ARHGEF1: variants seen among roughly 807,000 people sequenced by gnomAD.
ARHGEF1 encodes 115 kDa guanine nucleotide exchange factor.
A neutral mutation model predicts 119.7 loss-of-function variants in ARHGEF1; 40 were observed. That is an observed-to-expected ratio of 0.33 (90% CI 0.26 to 0.44). ARHGEF1 has a LOEUF of 0.44. Among genes scored for constraint, ARHGEF1 ranks in the 20% least tolerant of loss-of-function variants. ARHGEF1 has a pLI of 1.00. For synonymous variants in ARHGEF1, 494 were observed against 521.0 expected (o/e 0.95, Z 0.71); for missense variants, 976 against 1,268.3 (o/e 0.77, Z 3.50).
At chr19:41,910,503 C>T (rs781882822), downstream of ARHGEF1, among the ~76,000 whole-genome samples, 6 of 152,256 alleles carry the variant, frequency 3.9e-5, no homozygotes, top group South Asian at 6.2e-4. The surrounding 1 kb of genome is among the most constrained non-coding windows in gnomAD (Gnocchi z 4.4). Context: ...TTGTACCCTG[C>T]GGTGCCCTCA....
Position 41,883,233 on chromosome 19 carries a change from C to A in ARHGEF1, c.-76C>A. 1 of 201,186 alleles carries A rather than the reference C, an allele frequency of 5.0e-6. No individual in the cohort carries two copies. The highest frequency in any genetic ancestry group is 1.1e-5 in the Non-Finnish European group (1 of 89,528). The allele number at this position is 201,186 out of a possible 1,614,324, so 12.5% of individuals were successfully genotyped here. A position where few individuals can be genotyped will look rare whatever the true frequency, so the allele number is the denominator to read the frequency against. ...GAAGCGGGAGCCGGGACCCAGGGCC[C>A]GGGATCGCCGAGCCCGACCTCGGGC... On this transcript the variant is annotated 5_prime_UTR_variant, in exon 1 of 29. Transcript: ENST00000354532. This position sits in a 1 kb window ranked among gnomAD's most constrained non-coding sequence, Gnocchi z 7.6.
intron 1 of ARHGEF1, among the ~76,000 whole-genome samples, chr19:41,923,698 G>T (rs1555852912): frequency 4.3e-5 from 2 of 46,820 alleles, no homozygotes; most frequent in Non-Finnish European, 8.2e-5. Context: ...GCAGGGGTGT[G>T]CTGGGAGGGG....
At chr19:41,891,465 G>C (rs567532783) in intron 4 of ARHGEF1, among the ~76,000 whole-genome samples, 1 of 152,018 alleles carries the variant, frequency 6.6e-6, no homozygotes, top group African/African-American at 2.4e-5. Flanking sequence ...TTTATTTTTA[G>C]TAGAGACAGG....
chr19:41,923,311 AG>A lies in ARHGEF1; in HGVS notation c.140+79del, dbSNP rs1174008290. 8 of 385,630 alleles carry A rather than the reference AG, an allele frequency of 2.1e-5. No individual in the cohort carries two copies. In the Admixed American group the frequency reaches 2.5e-4, roughly 12 times the overall value. 23.9% of individuals were successfully genotyped at this position (385,630 alleles called of 1,614,324 possible). ...GGCCAGAGACAGAAAAGGAGGAAAG[AG>A]ACAAGACAAGGAGACAGACACAGAG... On this transcript the variant is annotated intron_variant, in intron 1 of 2. Transcript: ENST00000594417.
chr19:41,904,765 T>C lies in ARHGEF1; in HGVS notation c.2162-184T>C, dbSNP rs1340159567. Among the ~76,000 whole-genome samples, 3 of 150,870 alleles carry C rather than the reference T, an allele frequency of 2.0e-5. No individual in the cohort carries two copies. Among genetic ancestry groups the C allele is most frequent in the Non-Finnish European group, 4.4e-5 (3 of 67,788 alleles). On this transcript the variant is annotated intron_variant, in intron 22 of 28. Transcript: ENST00000354532. This position sits in a 1 kb window ranked among gnomAD's most constrained non-coding sequence, Gnocchi z 8.4. ...GTACATGCCCGATTCCATAAGGAGG[T>C]GTGAGAGGTGGGGCTCAGGAGGACA...
chr19:41,905,679 C>A lies in ARHGEF1; in HGVS notation c.2337-81C>A. 6.8e-7 allele frequency: 1 copy of A among 1,471,320 alleles called. No homozygotes were observed. The highest frequency in any genetic ancestry group is 1.2e-5 in the South Asian group (1 of 86,454). The allele number at this position is 1,471,320 out of a possible 1,614,324, so 91.1% of individuals were successfully genotyped here. ...CTGTCTCCGGACCTCCCTGCCTCCC[C>A]ACCTCCAGCTCTCTGTCTCCCTGCC... On this transcript the variant is annotated intron_variant, in intron 24 of 28. Coordinates refer to ENST00000354532, the MANE Select transcript of ARHGEF1 (RefSeq NM_004706.4). The surrounding 1 kb of genome is among the most constrained non-coding windows in gnomAD (Gnocchi z 6.4).
chr19:41,920,586 C>T (rs1395796715), upstream of ARHGEF1, among the ~76,000 whole-genome samples: 2 of 152,222 alleles, frequency 1.3e-5, no homozygotes, highest in Non-Finnish European at 2.9e-5. Flanking sequence ...GTGATGCACT[C>T]ACAGACAGGA....
At chr19:41,901,038 C>G (rs1311424643) in intron 14 of ARHGEF1, 5 of 151,954 alleles carry the variant, frequency 3.3e-5, no homozygotes, top group African/African-American at 9.7e-5. Flanking sequence ...ATCTGCCCGC[C>G]TAAGCCTCCC....
Position 41,892,599 on chromosome 19 carries a change from G to A in ARHGEF1, c.368-4G>A, listed in dbSNP as rs2074395593. 6.3e-7 allele frequency: 1 copy of A among 1,579,554 alleles called. No individual in the cohort carries two copies. Among genetic ancestry groups the A allele is most frequent in the Admixed American group, 1.7e-5 (1 of 58,410 alleles). On this transcript the variant is annotated splice_polypyrimidine_tract_variant and splice_region_variant and intron_variant, in intron 6 of 28. Transcript: ENST00000354532. This position sits in a 1 kb window ranked among gnomAD's most constrained non-coding sequence, Gnocchi z 6.3. ...GACCCTAGCCCCCATGTGTGTCCCTGCAGACCGCACTAGGGCTGACCTCAT... is the reference window on the plus strand; with the variant it reads ...GACCCTAGCCCCCATGTGTGTCCCTACAGACCGCACTAGGGCTGACCTCAT...
At chr19:41,913,134 C>T (rs2074764077) in intron 18 of ARHGEF1, among the ~76,000 whole-genome samples, 1 of 151,882 alleles carries the variant, frequency 6.6e-6, no homozygotes, top group South Asian at 2.1e-4. Context: ...AGACCCCGTT[C>T]CTTCCCTCCC....
upstream of ARHGEF1, among the ~76,000 whole-genome samples, chr19:41,918,249 C>G (rs1701807754): frequency 6.6e-6 from 1 of 151,564 alleles, no homozygotes; most frequent in African/African-American, 2.4e-5. Context: ...CACAAACACA[C>G]CATACATACA....
At chr19:41,885,663 T>C (rs1555845147) in intron 1 of ARHGEF1, among the ~76,000 whole-genome samples, 2 of 152,198 alleles carry the variant, frequency 1.3e-5, no homozygotes, top group African/African-American at 2.4e-5. Context: ...GGTTTCACTA[T>C]GTTGGCCAGG....
chr19:41,902,931 C>G lies in ARHGEF1; in HGVS notation c.1738+33C>G, dbSNP rs782591528. Reference sequence around the variant, plus strand: ...GGGCCTGGATCTCTGGGCCTCGGCTCTCCTCTTTTTTTTTTACATTTTTTT... The same window carrying G: ...GGGCCTGGATCTCTGGGCCTCGGCTGTCCTCTTTTTTTTTTACATTTTTTT... On this transcript the variant is annotated intron_variant, in intron 18 of 28. Coordinates refer to ENST00000354532, the MANE Select transcript of ARHGEF1 (RefSeq NM_004706.4). This position sits in a 1 kb window ranked among gnomAD's most constrained non-coding sequence, Gnocchi z 6.5. 6.6e-7 allele frequency: 1 copy of G among 1,509,332 alleles called. No individual in the cohort carries two copies. The highest frequency in any genetic ancestry group is 2.0e-4 in the Middle Eastern group (1 of 4,892). 93.5% of individuals were successfully genotyped at this position (1,509,332 alleles called of 1,614,324 possible).
chr19:41,908,219 C>G (rs2074729329), downstream of ARHGEF1: 2 of 1,231,742 alleles, frequency 1.6e-6, no homozygotes, highest in Non-Finnish European at 2.0e-6. The surrounding 1 kb of genome is among the most constrained non-coding windows in gnomAD (Gnocchi z 6.7). Flanking sequence ...TCCATTGCCC[C>G]CTGCCGGCTC....
downstream of ARHGEF1, chr19:41,908,939 C>T (rs2074736105): frequency 6.9e-6 from 4 of 578,082 alleles, no homozygotes; most frequent in South Asian, 9.4e-5. This position sits in a 1 kb window ranked among gnomAD's most constrained non-coding sequence, Gnocchi z 6.7. Flanking sequence ...ACACACACAC[C>T]CTACAACCTG....
At chr19:41,893,180 C>T (rs2074405769) in intron 7 of ARHGEF1, 94 bp from the exon 8 acceptor site, 2 of 1,530,686 alleles carry the variant, frequency 1.3e-6, no homozygotes, top group African/African-American at 1.4e-5. Context: ...CTTCCCCCTG[C>T]CTATCCCAGG....
downstream of ARHGEF1, chr19:41,908,076 C>A (rs909119920): frequency 1.2e-4 from 63 of 518,296 alleles, no homozygotes; most frequent in Non-Finnish European, 1.5e-4. This position sits in a 1 kb window ranked among gnomAD's most constrained non-coding sequence, Gnocchi z 6.7. Flanking sequence ...GAGACCCCCC[C>A]CACTCTGGGG....
chr19:41,896,623 A>G (rs955315549), intron 13 of ARHGEF1, 141 bp downstream of exon 13: 8 of 732,090 alleles, frequency 1.1e-5, no homozygotes, highest in Non-Finnish European at 1.7e-5. Flanking sequence ...GGGTCTGGCC[A>G]TTCCTCTCCC....
At chr19:41,895,253 G>C (rs1261330931) in intron 11 of ARHGEF1, 96 bp from the exon 12 acceptor site, 9 of 1,461,708 alleles carry the variant, frequency 6.2e-6, no homozygotes, top group Non-Finnish European at 8.3e-6. Flanking sequence ...GTCATGGTGG[G>C]GAAGGGCCTG....
Sources: gnomAD v4.1 joint callset for allele counts (sites outside exome capture counted in the v4.1 genomes callset) on GRCh38, gnomAD v4.1.1 for gene constraint, Gnocchi (gnomAD v3.1) non-coding constraint, MANE v1.5 for transcripts, NCBI Gene and HGNC (gene_info 2026-07-23, HGNC 2026-07-21) for gene names.